The following FOXP1 variants were observed in gnomAD, a reference collection of about 807,000 sequenced individuals.
FOXP1 encodes forkhead box P1.
A neutral mutation model predicts 98.2 loss-of-function variants in FOXP1; 15 were observed. The ratio of observed to expected loss-of-function variants is 0.15; its 90% CI spans 0.10 to 0.24. The LOEUF is 0.24. Ranked by LOEUF, FOXP1 falls within the 10% of genes least tolerant of loss-of-function variation. The pLI is 1.00. For synonymous variants in FOXP1, 371 were observed against 314.5 expected (o/e 1.18, Z -1.90); for missense variants, 633 against 848.5 (o/e 0.75, Z 3.15).
At chr3:71,040,080 GGT>G (rs111790256) in intron 11 of FOXP1, among the ~76,000 whole-genome samples, 5,074 of 147,326 alleles carry the variant, frequency 0.034, 285 homozygotes, top group African/African-American at 0.12. Flanking sequence ...ACTTGAACAT[GGT>G]GTGTGTGTGT....
At position 71,434,135 on chromosome 3, in the gene FOXP1, T is replaced by G. The variant is rs965986162; in HGVS notation, c.-168+59291A>C. Among the ~76,000 whole-genome samples the G allele has an allele frequency of 2.6e-5, 4 of 152,350 alleles. No individual in the cohort carries two copies. In the East Asian group the frequency reaches 7.7e-4, roughly 29 times the overall value. On this transcript the variant is annotated intron_variant, in intron 3 of 20. Transcript: ENST00000649528. Reference sequence around the variant, plus strand: ...GGGAAGAGATCAAGATTCAAAGTCCTGACTTTTAAGGAGTTTACAGACCAA... The same window carrying G: ...GGGAAGAGATCAAGATTCAAAGTCCGGACTTTTAAGGAGTTTACAGACCAA...
intron 3 of FOXP1, among the ~76,000 whole-genome samples, chr3:71,448,298 A>G (rs1350244080): frequency 1.3e-5 from 2 of 152,212 alleles, no homozygotes; most frequent in Non-Finnish European, 2.9e-5. Context: ...ATCCTGCTCC[A>G]TTAAGTCTGC....
chr3:71,232,714 C>G (rs2066394892), intron 5 of FOXP1, among the ~76,000 whole-genome samples: 1 of 151,476 alleles, frequency 6.6e-6, no homozygotes. Context: ...GTCTGGGCAA[C>G]ACGGTAAAAC....
chr3:71,283,559 C>G (rs2071791162), intron 5 of FOXP1, among the ~76,000 whole-genome samples: 2 of 152,158 alleles, frequency 1.3e-5, no homozygotes, highest in South Asian at 4.2e-4. Flanking sequence ...TGGATGACAA[C>G]CCTTTTTTAT....
At chr3:71,021,177 A>G (rs1390385739) in intron 11 of FOXP1, among the ~76,000 whole-genome samples, 1 of 152,156 alleles carries the variant, frequency 6.6e-6, no homozygotes, top group Non-Finnish European at 1.5e-5. Flanking sequence ...GAAATCCTGT[A>G]CCCATTAGCA....
In FOXP1 at chr3:71,481,599, C is replaced by T. The variant is rs1207826184; in HGVS notation, c.-168+11827G>A. The stretch of plus-strand genomic sequence containing the variant: ...TCATGATATTTGCATCTTAGTCAGT[C>T]GTCTTTTCTGAATGTTTATTCCCCA... On this transcript the variant is annotated intron_variant, in intron 3 of 20. Coordinates refer to ENST00000649528, the MANE Select transcript of FOXP1 (RefSeq NM_001349338.3). Among the ~76,000 whole-genome samples, 5 of 152,222 alleles carry T rather than the reference C, an allele frequency of 3.3e-5. No homozygotes were observed. In the East Asian group the frequency reaches 5.8e-4, roughly 18 times the overall value.
At chr3:71,028,925 A>C (rs1453829999) in intron 11 of FOXP1, among the ~76,000 whole-genome samples, 3 of 152,202 alleles carry the variant, frequency 2.0e-5, no homozygotes, top group Non-Finnish European at 4.4e-5. Flanking sequence ...TCCTGTGAGA[A>C]TCTAATGCCT....
At chr3:71,272,408 T>C (rs1395856504) in intron 5 of FOXP1, among the ~76,000 whole-genome samples, 2 of 152,154 alleles carry the variant, frequency 1.3e-5, no homozygotes, top group Admixed American at 6.5e-5. Flanking sequence ...AAAACCAGTA[T>C]GGCCCTTACC....
intron 6 of FOXP1, among the ~76,000 whole-genome samples, chr3:71,190,108 T>C (rs952786527): frequency 6.6e-6 from 1 of 152,204 alleles, no homozygotes; most frequent in African/African-American, 2.4e-5. Context: ...CCACCTCTTA[T>C]ATGATCTTTC....
chr3:70,991,380 G>C (rs2040577427), intron 13 of FOXP1, among the ~76,000 whole-genome samples: 1 of 152,120 alleles, frequency 6.6e-6, no homozygotes. Context: ...TCTGGGCTGT[G>C]AAAGATCAGA....
intron 3 of FOXP1, among the ~76,000 whole-genome samples, chr3:71,474,016 TA>T (rs2089597293): frequency 6.6e-6 from 1 of 152,138 alleles, no homozygotes; most frequent in South Asian, 2.1e-4. Context: ...ACACCGTTCA[TA>T]AAAGATAATA....
intron 11 of FOXP1, among the ~76,000 whole-genome samples, chr3:71,019,748 T>C (rs1015655320): frequency 6.6e-6 from 1 of 152,074 alleles, no homozygotes. Flanking sequence ...GGAGAATCGC[T>C]TGAACCTGGG....
At position 70,955,545 on chromosome 3, in the gene FOXP1, T is replaced by C. The variant is rs1205917683; in HGVS notation, c.*3702A>G. ...TTGAGAAAAAAAAAGTAACAGATTT[T>C]CTTTACATCTTGGCACCTTGTAAAG... On this transcript the variant is annotated 3_prime_UTR_variant, in exon 21 of 21. Transcript: ENST00000649528. The C allele has an allele frequency of 4.3e-6, 1 of 232,424 alleles. No individual in the cohort carries two copies. Among genetic ancestry groups the C allele is most frequent in the Non-Finnish European group, 8.5e-6 (1 of 117,946 alleles). The allele number at this position is 232,424 out of a possible 1,614,324, so 14.4% of individuals were successfully genotyped here. A position where few individuals can be genotyped will look rare whatever the true frequency, so the allele number is the denominator to read the frequency against.
rs35502550 is a variant in FOXP1 at position 70,955,570 on chromosome 3, G to GTT, written c.*3675_*3676dup. Reference sequence around the variant, plus strand: ...TCTTTACATCTTGGCACCTTGTAAAGTTTTTTTTTTTTTATACAAAAGTTC... The same window carrying GTT: ...TCTTTACATCTTGGCACCTTGTAAAGTTTTTTTTTTTTTTTATACAAAAGTTC... On this transcript the variant is annotated 3_prime_UTR_variant, in exon 21 of 21. Coordinates refer to ENST00000649528, the MANE Select transcript of FOXP1 (RefSeq NM_001349338.3). 963 of 215,422 alleles carry GTT rather than the reference G, an allele frequency of 4.5e-3. No individual in the cohort carries two copies. Among genetic ancestry groups the GTT allele is most frequent in the East Asian group, 0.041 (613 of 15,030 alleles). The allele number at this position is 215,422 out of a possible 1,614,324, so 13.3% of individuals were successfully genotyped here.
chr3:71,235,141 A>T (rs544784441), intron 5 of FOXP1, among the ~76,000 whole-genome samples: 1 of 149,722 alleles, frequency 6.7e-6, no homozygotes, highest in Admixed American at 6.7e-5. Context: ...GAAAAAAAAA[A>T]TCTTAGCAAA....
At chr3:71,277,340 C>T (rs2071021560) in intron 5 of FOXP1, among the ~76,000 whole-genome samples, 1 of 150,588 alleles carries the variant, frequency 6.6e-6, no homozygotes, top group South Asian at 2.1e-4. Context: ...GCTTATTTCA[C>T]TTAACAATGT....
intron 2 of FOXP1, among the ~76,000 whole-genome samples, chr3:71,496,841 A>AC (rs1259820813): frequency 6.6e-6 from 1 of 151,680 alleles, no homozygotes; most frequent in East Asian, 1.9e-4. Context: ...CAACAAAAAG[A>AC]CAAAAAAAAA....
chr3:71,340,118 C>T (rs2076926214), intron 4 of FOXP1, among the ~76,000 whole-genome samples: 1 of 152,116 alleles, frequency 6.6e-6, no homozygotes, highest in Admixed American at 6.6e-5. Flanking sequence ...TGCATGGGTG[C>T]TTGCGTAGAT....
chr3:71,416,683 G>C (rs2108303612), intron 3 of FOXP1, among the ~76,000 whole-genome samples: 1 of 152,152 alleles, frequency 6.6e-6, no homozygotes, highest in Admixed American at 6.5e-5. Context: ...ATGAGCAGCA[G>C]GTAAATGGGT....
Sources: gnomAD v4.1 joint callset for allele counts (sites outside exome capture counted in the v4.1 genomes callset) on GRCh38, gnomAD v4.1.1 for gene constraint, MANE v1.5 for transcripts, NCBI Gene and HGNC (gene_info 2026-07-23, HGNC 2026-07-21) for gene names.